The following PACRG variants were observed in gnomAD, a reference collection of about 807,000 sequenced individuals.
PACRG encodes parkin coregulated, also known as parkin coregulated gene protein.
In PACRG, 29 loss-of-function variants were observed where a neutral mutation model predicts 29.7. The observed-to-expected ratio is 0.98, with a 90% confidence interval of 0.73 to 1.33. PACRG has a LOEUF of 1.33. Ranked by LOEUF, PACRG falls within the 40% of genes most tolerant of loss-of-function variation. The pLI is 0.00. For synonymous variants in PACRG, 116 were observed against 118.7 expected, an observed-to-expected ratio of 0.98 and a Z score of 0.15; for missense variants, 279 against 316.2, an observed-to-expected ratio of 0.88 and a Z score of 0.89.
At chr6:163,051,207 G>A (rs916542446) in intron 2 of PACRG, 1 of 151,994 alleles carries the variant, frequency 6.6e-6, no homozygotes, top group African/African-American at 2.4e-5. Flanking sequence ...TCCATGTTAA[G>A]TATTTTTAAA....
chr6:162,877,135 C>T (rs1036503580), intron 2 of PACRG, among the ~76,000 whole-genome samples: 18 of 152,102 alleles, frequency 1.2e-4, no homozygotes, highest in African/African-American at 1.4e-4. Flanking sequence ...CACATGCACA[C>T]GTAAGTTTAT....
chr6:163,198,507 A>C (rs1268040499), intron 4 of PACRG, among the ~76,000 whole-genome samples: 1 of 152,210 alleles, frequency 6.6e-6, no homozygotes, highest in Non-Finnish European at 1.5e-5. Context: ...CAAATGATGA[A>C]AGTGAGGCCC....
intron 2 of PACRG, among the ~76,000 whole-genome samples, chr6:162,947,908 C>A (rs1393935300): frequency 1.3e-5 from 2 of 151,328 alleles, no homozygotes; most frequent in Non-Finnish European, 3.0e-5. Context: ...AAAGAGGACA[C>A]AAACAAAGGT....
chr6:163,063,325 C>T (rs1156656497), intron 3 of PACRG, among the ~76,000 whole-genome samples: 2 of 152,012 alleles, frequency 1.3e-5, no homozygotes, highest in Admixed American at 6.5e-5. Context: ...GGCCCCTGCT[C>T]CCCCCGCCCC....
intron 1 of PACRG, among the ~76,000 whole-genome samples, chr6:162,799,646 T>G (rs1240583378): frequency 3.3e-5 from 5 of 152,034 alleles, no homozygotes; most frequent in Non-Finnish European, 5.9e-5. Context: ...TTTTTCTTAC[T>G]ACTATAAATA....
intron 1 of PACRG, among the ~76,000 whole-genome samples, chr6:162,764,844 A>G (rs748215713): frequency 4.6e-5 from 7 of 151,800 alleles, no homozygotes; most frequent in African/African-American, 1.2e-4. Flanking sequence ...CCTGGGTTCA[A>G]GCGTTTCTCC....
rs114704660 is a variant in PACRG at position 162,828,672 on chromosome 6, G to A, written c.291+14391G>A. ...GAGAGGATATAGCACCCTTTTGTGG[G>A]GTGGTCAGAGGAAATTTTCCAAATA... On this transcript the variant is annotated intron_variant, in intron 2 of 4. Transcript: ENST00000366888. 3.6e-3 allele frequency among the ~76,000 whole-genome samples: 549 copies of A among 152,268 alleles called. 3 individuals carry two copies. Among genetic ancestry groups the A allele is most frequent in the African/African-American group, 0.013 (531 of 41,556 alleles).
intron 4 of PACRG, among the ~76,000 whole-genome samples, chr6:163,196,898 TAGAC>T (rs773578701): frequency 1.3e-5 from 2 of 148,744 alleles, no homozygotes; most frequent in Non-Finnish European, 2.9e-5. Flanking sequence ...GATAGACATG[TAGAC>T]AGACTAGACA....
chr6:163,019,685 G>A (rs62429321), intron 2 of PACRG, among the ~76,000 whole-genome samples: 2,999 of 152,184 alleles, frequency 0.02, 43 homozygotes, highest in South Asian at 0.034. Context: ...GTGGTCAGAG[G>A]TCTGTCCCCA....
intron 3 of PACRG, among the ~76,000 whole-genome samples, chr6:163,064,407 G>T (rs1382094410): frequency 6.6e-6 from 1 of 152,186 alleles, no homozygotes; most frequent in East Asian, 1.9e-4. Context: ...AACATGATTT[G>T]TCAGGGAAAA....
chr6:162,962,497 G>A (rs1186146941), intron 2 of PACRG, among the ~76,000 whole-genome samples: 1 of 152,124 alleles, frequency 6.6e-6, no homozygotes, highest in African/African-American at 2.4e-5. Context: ...GAAGTGGTGT[G>A]TTTTGGGGTA....
intron 4 of PACRG, among the ~76,000 whole-genome samples, chr6:163,160,771 T>C (rs1445876952): frequency 6.6e-6 from 1 of 152,154 alleles, no homozygotes; most frequent in African/African-American, 2.4e-5. Context: ...AGAAGAATAA[T>C]ATGTAGTCAG....
chr6:162,844,625 C>T (rs767919424), intron 2 of PACRG, among the ~76,000 whole-genome samples: 1 of 152,194 alleles, frequency 6.6e-6, no homozygotes, highest in East Asian at 1.9e-4. Flanking sequence ...CCTCCCTTAA[C>T]ATCATTTTTG....
intron 2 of PACRG, among the ~76,000 whole-genome samples, chr6:162,879,056 C>G (rs1793609670): frequency 6.6e-6 from 1 of 152,158 alleles, no homozygotes; most frequent in Admixed American, 6.5e-5. Flanking sequence ...TCAATACAGT[C>G]TAAATGCCTT....
intron 4 of PACRG, among the ~76,000 whole-genome samples, chr6:163,193,592 G>T (rs2128362687): frequency 6.6e-6 from 1 of 152,114 alleles, no homozygotes; most frequent in African/African-American, 2.4e-5. Flanking sequence ...AACTGGGAGG[G>T]AAACACTAAA....
intron 1 of PACRG, among the ~76,000 whole-genome samples, chr6:162,747,202 G>T (rs1781057698): frequency 6.6e-6 from 1 of 150,488 alleles, no homozygotes; most frequent in South Asian, 2.1e-4. Flanking sequence ...AGAAAAATGT[G>T]AACAGAGAGA....
At chr6:163,246,720 C>G (rs915440548) in intron 4 of PACRG, among the ~76,000 whole-genome samples, 3 of 152,118 alleles carry the variant, frequency 2.0e-5, no homozygotes, top group Non-Finnish European at 4.4e-5. Flanking sequence ...AACATTTACA[C>G]ATATTTATTT....
At chr6:162,733,035 T>C (rs1779894091) in intron 1 of PACRG, among the ~76,000 whole-genome samples, 1 of 152,240 alleles carries the variant, frequency 6.6e-6, no homozygotes, top group African/African-American at 2.4e-5. Context: ...CCCTTCTCCC[T>C]ACATATCTGC....
rs1222452101 is a variant in PACRG at position 162,777,852 on chromosome 6, C to T, written c.157-36295C>T. Among the ~76,000 whole-genome samples, 1 of 152,018 alleles carries T rather than the reference C, an allele frequency of 6.6e-6. No individual in the cohort carries two copies. The highest frequency in any genetic ancestry group is 2.4e-5 in the African/African-American group (1 of 41,390). On this transcript the variant is annotated intron_variant, in intron 1 of 4. Coordinates refer to ENST00000366888, the MANE Select transcript of PACRG (RefSeq NM_001080379.2). The surrounding 1 kb of genome is among the most constrained non-coding windows in gnomAD (Gnocchi z 4.0). ...CTAATAAAAGAAAAAACCTCCCTAC[C>T]TTCTTTCTTTCCTTCCTTCCCACCC...
Sources: gnomAD v4.1 joint callset for allele counts (sites outside exome capture counted in the v4.1 genomes callset) on GRCh38, gnomAD v4.1.1 for gene constraint, Gnocchi (gnomAD v3.1) non-coding constraint, MANE v1.5 for transcripts, NCBI Gene and HGNC (gene_info 2026-07-23, HGNC 2026-07-21) for gene names.